The following IWS1 variants were observed in gnomAD, a reference collection of about 807,000 sequenced individuals.
The protein encoded by IWS1 is interacts with SUPT6H, CTD assembly factor 1, also known as protein IWS1 homolog.
IWS1 carries 27 observed loss-of-function variants against 86.7 expected under a neutral mutation model. That is an observed-to-expected ratio of 0.31 (90% CI 0.23 to 0.43). The LOEUF (loss-of-function observed/expected upper bound fraction) is 0.43, where lower values mean the gene tolerates loss of function less well. Ranked by LOEUF, IWS1 falls within the 20% of genes least tolerant of loss-of-function variation. The pLI, the probability that IWS1 is intolerant of heterozygous loss-of-function variation, is 1.00. For synonymous variants in IWS1, 313 were observed against 335.1 expected (o/e 0.93, Z 0.72); for missense variants, 827 against 1,000.8 (o/e 0.83, Z 2.34).
chr2:127,526,046 C>G (rs1273623469), intron 1 of IWS1, 129 bp downstream of exon 1: 1 of 844,670 alleles, frequency 1.2e-6, no homozygotes, highest in Non-Finnish European at 1.8e-6. Context: ...GGCTCTTGCC[C>G]TCCTCGGGCC....
At position 127,502,741 on chromosome 2, in the gene IWS1, A is replaced by G; in HGVS notation, c.1467+74T>C. The G allele has an allele frequency of 4.0e-6, 3 of 744,516 alleles. No individual in the cohort carries two copies. The South Asian group carries it at 4.6e-5, about 11-fold the overall frequency. 46.1% of individuals were successfully genotyped at this position (744,516 alleles called of 1,614,324 possible). On this transcript the variant is annotated intron_variant, in intron 5 of 13. Transcript: ENST00000295321. ...TTATTCCTACTTATTAGAATCATCT[A>G]TAATGGTATCACTGCCATAAAAACA...
At chr2:127,504,591 AG>A in intron 3 of IWS1, 92 bp downstream of exon 3, 1 of 889,730 alleles carries the variant, frequency 1.1e-6, no homozygotes, top group South Asian at 1.6e-5. Flanking sequence ...AACAGAACAC[AG>A]ATCTGACATA....
intron 1 of IWS1, 127 bp downstream of exon 1, chr2:127,526,048 C>T (rs1307916533): frequency 1.1e-6 from 1 of 873,210 alleles, no homozygotes; most frequent in African/African-American, 1.7e-5. Flanking sequence ...CTCTTGCCCT[C>T]CTCGGGCCGG....
intron 1 of IWS1, 132 bp downstream of exon 1, chr2:127,526,043 G>A: frequency 1.3e-6 from 1 of 795,522 alleles, no homozygotes. Flanking sequence ...GAGGGCTCTT[G>A]CCCTCCTCGG....
chr2:127,508,388 T>C (rs1691260507), intron 2 of IWS1, among the ~76,000 whole-genome samples: 1 of 152,136 alleles, frequency 6.6e-6, no homozygotes. Context: ...CATGTTTGCA[T>C]GCAGTTTGTG....
At chr2:127,502,206 T>G (rs1392992058) in intron 5 of IWS1, among the ~76,000 whole-genome samples, 1 of 152,196 alleles carries the variant, frequency 6.6e-6, no homozygotes, top group Non-Finnish European at 1.5e-5. Context: ...CTAAATCTTA[T>G]GGTGCTGCTC....
intron 6 of IWS1, among the ~76,000 whole-genome samples, chr2:127,496,881 T>C (rs987330187): frequency 3.6e-4 from 55 of 152,334 alleles, no homozygotes; most frequent in African/African-American, 1.3e-3. Context: ...TCCAACTATA[T>C]TGTATTTTAA....
intron 4 of IWS1, 77 bp downstream of exon 4, chr2:127,503,310 A>G (rs1239900839): frequency 9.7e-7 from 1 of 1,034,430 alleles, no homozygotes; most frequent in African/African-American, 1.6e-5. Flanking sequence ...TAGGCAGGAC[A>G]TATTGTATTA....
At chr2:127,484,607 T>A (rs1689826977) in intron 13 of IWS1, 1 of 152,202 alleles carries the variant, frequency 6.6e-6, no homozygotes, top group South Asian at 2.1e-4. Context: ...CAAAGCAGAT[T>A]GGCCACTAAG....
Position 127,490,000 on chromosome 2 carries a change from C to A in IWS1, c.2048-57G>T. ...CATAAAATTGCATTTCCATTTTTTT[C>A]AAATAATTGCACCCCAGTGTGAGGG... On this transcript the variant is annotated intron_variant, in intron 10 of 13. Coordinates refer to ENST00000295321, the MANE Select transcript of IWS1 (RefSeq NM_017969.3). This position sits in a 1 kb window ranked among gnomAD's most constrained non-coding sequence, Gnocchi z 4.8. 1.1e-6 allele frequency: 1 copy of A among 902,432 alleles called. No individual in the cohort carries two copies. The highest frequency in any genetic ancestry group is 1.3e-5 in the South Asian group (1 of 75,616). The allele number at this position is 902,432 out of a possible 1,614,324, so 55.9% of individuals were successfully genotyped here. A position where few individuals can be genotyped will look rare whatever the true frequency, so the allele number is the denominator to read the frequency against.
intron 2 of IWS1, among the ~76,000 whole-genome samples, chr2:127,519,474 T>C (rs896601601): frequency 2.8e-5 from 4 of 143,712 alleles, no homozygotes; most frequent in African/African-American, 1.1e-4. Flanking sequence ...TCTTAAAGAT[T>C]GTGTGTGTGT....
At chr2:127,522,964 C>T (rs934749475) in intron 2 of IWS1, among the ~76,000 whole-genome samples, 1 of 152,180 alleles carries the variant, frequency 6.6e-6, no homozygotes, top group Non-Finnish European at 1.5e-5. Flanking sequence ...AATCCTAGCA[C>T]TTTGAGAGGC....
rs1690693505 is a variant in IWS1 at position 127,499,519 on chromosome 2, C to T, written c.1468-1282G>A. Reference sequence around the variant, plus strand: ...TTTTCTAACTGAACTGAAACTATAACCAAGTTGATGTTAAGTCTCCAAAAC... The same window carrying T: ...TTTTCTAACTGAACTGAAACTATAATCAAGTTGATGTTAAGTCTCCAAAAC... On this transcript the variant is annotated intron_variant, in intron 5 of 13. Transcript: ENST00000295321. This position sits in a 1 kb window ranked among gnomAD's most constrained non-coding sequence, Gnocchi z 4.0. Among the ~76,000 whole-genome samples the T allele has an allele frequency of 6.6e-6, 1 of 152,102 alleles. No individual in the cohort carries two copies. Among genetic ancestry groups the T allele is most frequent in the Admixed American group, 6.5e-5 (1 of 15,272 alleles).
Position 127,526,448 on chromosome 2 carries a change from GTTCTAC to G in IWS1, c.-246_-241del. 11 of 1,534,412 alleles carry G rather than the reference GTTCTAC, an allele frequency of 7.2e-6. No individual in the cohort carries two copies. The highest frequency in any genetic ancestry group is 9.6e-6 in the Non-Finnish European group (11 of 1,141,896). On this transcript the variant is annotated 5_prime_UTR_variant, in exon 1 of 14. Transcript: ENST00000295321. ...CGGGCGGGCAGGCATGCGAGCCGGC[GTTCTAC>G]TTCCTAGAAGCACCGCTGGGGCCAA...
chr2:127,495,941 C>A, intron 7 of IWS1, 57 bp downstream of exon 7: 1 of 1,455,832 alleles, frequency 6.9e-7, no homozygotes, highest in Admixed American at 2.5e-5. Flanking sequence ...AAAAAAAGGG[C>A]ATCCAATAAA....
intron 13 of IWS1, among the ~76,000 whole-genome samples, chr2:127,484,310 T>TCAAAAA (rs900155639): frequency 5.3e-5 from 8 of 152,274 alleles, no homozygotes; most frequent in East Asian, 1.9e-4. Flanking sequence ...AGACACCGTC[T>TCAAAAA]CAAAAACAAA....
chr2:127,495,452 ATAGC>A (rs1057431508), intron 7 of IWS1, among the ~76,000 whole-genome samples: 3 of 152,240 alleles, frequency 2.0e-5, no homozygotes, highest in Non-Finnish European at 4.4e-5. Flanking sequence ...CTGAATACAC[ATAGC>A]TAGTCTTCTT....
chr2:127,490,988 T>G (rs989283297), intron 10 of IWS1: 4 of 152,188 alleles, frequency 2.6e-5, no homozygotes, highest in Admixed American at 6.5e-5. Context: ...AAATTCCTTT[T>G]CAACATGGAG....
intron 13 of IWS1, among the ~76,000 whole-genome samples, 176 bp from the exon 14 acceptor site, chr2:127,481,351 A>G (rs777557): frequency 0.15 from 23,010 of 151,896 alleles, 3,189 homozygotes; most frequent in African/African-American, 0.36. Context: ...TTAGAAACGC[A>G]TATTAAACTC....
Sources: gnomAD v4.1 joint callset for allele counts (sites outside exome capture counted in the v4.1 genomes callset) on GRCh38, gnomAD v4.1.1 for gene constraint, Gnocchi (gnomAD v3.1) non-coding constraint, MANE v1.5 for transcripts, NCBI Gene and HGNC (gene_info 2026-07-23, HGNC 2026-07-21) for gene names.